Variants in CNTNAP2 observed in about 807,000 individuals in gnomAD.
CNTNAP2 encodes contactin associated protein 2.
In CNTNAP2, 98 loss-of-function variants were observed where a neutral mutation model predicts 155.2. The observed-to-expected ratio is 0.63, with a 90% confidence interval of 0.54 to 0.75. The LOEUF is 0.75. Among genes scored for constraint, CNTNAP2 ranks in the 30% least tolerant of loss-of-function variants. The pLI is 0.00. For missense variants in CNTNAP2, 1,727 were observed against 1,688.1 expected, an observed-to-expected ratio of 1.02 and a Z score of -0.40; for synonymous variants, 651 against 631.2, an observed-to-expected ratio of 1.03 and a Z score of -0.47.
chr7:146,623,939 A>G (rs1215455985), intron 1 of CNTNAP2, among the ~76,000 whole-genome samples: 2 of 151,914 alleles, frequency 1.3e-5, no homozygotes, highest in African/African-American at 2.4e-5. Flanking sequence ...AGTTTTGTGG[A>G]TGTTCGCCAT....
At chr7:146,353,328 C>T (rs543249598) in intron 1 of CNTNAP2, among the ~76,000 whole-genome samples, 1 of 152,124 alleles carries the variant, frequency 6.6e-6, no homozygotes, top group South Asian at 2.1e-4. Flanking sequence ...CTTCACTTGG[C>T]TTCAGACATT....
At position 147,030,812 on chromosome 7, in the gene CNTNAP2, G is replaced by T. The variant is rs150785856; in HGVS notation, c.403-13095G>T. ...GGTGGGAGGATTGCTTGAGCCCAGG[G>T]GTTTGAGGCTGCAGTGAGCTGTGAT... On this transcript the variant is annotated intron_variant, in intron 3 of 23. Coordinates refer to ENST00000361727, the MANE Select transcript of CNTNAP2 (RefSeq NM_014141.6). Among the ~76,000 whole-genome samples, 33 of 152,150 alleles carry T rather than the reference G, an allele frequency of 2.2e-4. No homozygotes were observed. The East Asian group carries it at 6.4e-3, about 29-fold the overall frequency.
intron 8 of CNTNAP2, among the ~76,000 whole-genome samples, chr7:147,286,365 C>T (rs1805177683): frequency 6.6e-6 from 1 of 151,984 alleles, no homozygotes; most frequent in African/African-American, 2.4e-5. Flanking sequence ...CACTACAAAT[C>T]TCTGCTTAGA....
chr7:146,880,143 T>C (rs1290514133), intron 3 of CNTNAP2, among the ~76,000 whole-genome samples: 2 of 151,992 alleles, frequency 1.3e-5, no homozygotes, highest in East Asian at 1.9e-4. Context: ...CACAGCCAAA[T>C]ATATCACAGA....
chr7:146,468,035 A>T (rs961072500), intron 1 of CNTNAP2, among the ~76,000 whole-genome samples: 2 of 152,236 alleles, frequency 1.3e-5, no homozygotes, highest in African/African-American at 4.8e-5. Flanking sequence ...GGTAAAAGAA[A>T]AAAGGTAACT....
At chr7:147,982,109 TAA>T (rs1192963596) in intron 15 of CNTNAP2, among the ~76,000 whole-genome samples, 1 of 152,150 alleles carries the variant, frequency 6.6e-6, no homozygotes. Flanking sequence ...GTTAAAAAAA[TAA>T]AAGACTTCCA....
intron 10 of CNTNAP2, among the ~76,000 whole-genome samples, chr7:147,478,857 A>G (rs959427349): frequency 4.6e-5 from 7 of 152,232 alleles, no homozygotes; most frequent in Non-Finnish European, 1.0e-4. Flanking sequence ...TTGCATAACA[A>G]TGTGCAACAG....
At chr7:146,663,439 T>C (rs112328928) in intron 1 of CNTNAP2, among the ~76,000 whole-genome samples, 9 of 152,146 alleles carry the variant, frequency 5.9e-5, no homozygotes, top group African/African-American at 2.2e-4. Context: ...TGGATCATAT[T>C]TGAGATTGCA....
In CNTNAP2 at chr7:146,744,967, AGTG is replaced by A. The variant is rs552824414; in HGVS notation, c.98-29300_98-29298del. Among the ~76,000 whole-genome samples the A allele has an allele frequency of 1.2e-4, 18 of 152,342 alleles. No individual in the cohort carries two copies. The East Asian group carries it at 3.5e-3, about 29-fold the overall frequency. ...AAAGATTGGCTTTTTAAAACAATCA[AGTG>A]GTGAATATTCAACTCCCTAATCCAA... is the stretch of plus-strand genomic sequence containing the variant. On this transcript the variant is annotated intron_variant, in intron 1 of 23. Transcript: ENST00000361727.
chr7:146,173,611 T>C (rs1798426326), intron 1 of CNTNAP2, among the ~76,000 whole-genome samples: 1 of 152,250 alleles, frequency 6.6e-6, no homozygotes, highest in African/African-American at 2.4e-5. Context: ...CCTTAAAGTT[T>C]CTATTGCTTC....
At chr7:147,075,431 A>G (rs1228138173) in intron 4 of CNTNAP2, among the ~76,000 whole-genome samples, 3 of 152,076 alleles carry the variant, frequency 2.0e-5, no homozygotes, top group South Asian at 2.1e-4. Context: ...ATTACAACAC[A>G]TTTCCTTCTA....
intron 21 of CNTNAP2, among the ~76,000 whole-genome samples, chr7:148,323,345 C>CTT (rs146448452): frequency 5.9e-5 from 3 of 51,276 alleles, no homozygotes; most frequent in Non-Finnish European, 9.8e-5. Flanking sequence ...TAGGTTTATT[C>CTT]TTTTTTTTTT....
chr7:146,856,527 G>A (rs1353521735), intron 3 of CNTNAP2, among the ~76,000 whole-genome samples: 1 of 152,126 alleles, frequency 6.6e-6, no homozygotes, highest in Non-Finnish European at 1.5e-5. Context: ...TAGAGGATAC[G>A]GAGAGTTTTG....
At chr7:147,778,754 G>T (rs2116551337) in intron 13 of CNTNAP2, among the ~76,000 whole-genome samples, 1 of 152,298 alleles carries the variant, frequency 6.6e-6, no homozygotes, top group Admixed American at 6.5e-5. Flanking sequence ...CTCATAATCT[G>T]CCTGCCTTGG....
At chr7:147,297,760 A>G (rs768069868) in intron 8 of CNTNAP2, among the ~76,000 whole-genome samples, 29 of 151,366 alleles carry the variant, frequency 1.9e-4, no homozygotes, top group Non-Finnish European at 3.5e-4. Flanking sequence ...TTAGACTGTT[A>G]GTGCAAAGAG....
At chr7:146,458,409 G>A (rs1040726202) in intron 1 of CNTNAP2, among the ~76,000 whole-genome samples, 4 of 151,986 alleles carry the variant, frequency 2.6e-5, no homozygotes, top group African/African-American at 7.3e-5. Context: ...CATCTAATAC[G>A]AAAACCACGC....
chr7:147,011,134 C>T (rs1329663279), intron 3 of CNTNAP2, among the ~76,000 whole-genome samples: 1 of 151,962 alleles, frequency 6.6e-6, no homozygotes, highest in Non-Finnish European at 1.5e-5. Flanking sequence ...ACTATCAAGG[C>T]TGGGTGTGAT....
chr7:147,337,490 G>A (rs960320675), intron 9 of CNTNAP2, among the ~76,000 whole-genome samples: 2 of 152,082 alleles, frequency 1.3e-5, no homozygotes, highest in African/African-American at 4.8e-5. Flanking sequence ...GTGAGAAAGG[G>A]GCCATATGGG....
In CNTNAP2 at chr7:147,355,017, A is replaced by C. The variant is rs891003047; in HGVS notation, c.1499-40592A>C. ...TGACACTTTTCTGAAGTTGCTTATC[A>C]TTTCAAGAAGTTTTTGGGCTGAGAC... On this transcript the variant is annotated intron_variant, in intron 9 of 23. Coordinates refer to ENST00000361727, the MANE Select transcript of CNTNAP2 (RefSeq NM_014141.6). 2.0e-5 allele frequency among the ~76,000 whole-genome samples: 3 copies of C among 152,202 alleles called. No individual in the cohort carries two copies. In the East Asian group the frequency reaches 5.8e-4, roughly 29 times the overall value.
Sources: allele counts gnomAD v4.1 joint callset (sites outside exome capture counted in the v4.1 genomes callset), GRCh38; gene constraint gnomAD v4.1.1; transcripts MANE v1.5; gene names NCBI Gene and HGNC (gene_info 2026-07-23, HGNC 2026-07-21).